The following SOS2 variants were observed in gnomAD, a reference collection of about 807,000 sequenced individuals.
SOS2 encodes son of sevenless homolog 2.
A neutral mutation model predicts 148.2 loss-of-function variants in SOS2; 65 were observed. That is an observed-to-expected ratio of 0.44 (90% CI 0.36 to 0.54). The LOEUF is 0.54. SOS2 is among the 20% of genes least tolerant of loss of function. The pLI is 0.00. For missense variants in SOS2, 1,341 were observed against 1,590.2 expected (o/e 0.84, Z 2.67); for synonymous variants, 539 against 537.1 (o/e 1.00, Z -0.05).
chr14:50,117,947 T>G lies in SOS2; in HGVS notation c.*397A>C, dbSNP rs138723632. 4 of 167,850 alleles carry G rather than the reference T, an allele frequency of 2.4e-5. No individual in the cohort carries two copies. The highest frequency in any genetic ancestry group is 9.6e-5 in the African/African-American group (4 of 41,810). 10.4% of individuals were successfully genotyped at this position (167,850 alleles called of 1,614,324 possible). A position where few individuals can be genotyped will look rare whatever the true frequency, so the allele number is the denominator to read the frequency against. ...AGAGGTTTAAAAATCAGTAACACCATATACCCCTCCCATATTTGTGTAAAT... is the reference window on the plus strand; with the variant it reads ...AGAGGTTTAAAAATCAGTAACACCAGATACCCCTCCCATATTTGTGTAAAT... On this transcript the variant is annotated 3_prime_UTR_variant, in exon 23 of 23. Transcript: ENST00000216373.
At chr14:50,159,094 G>C (rs1884913902) in intron 10 of SOS2, among the ~76,000 whole-genome samples, 1 of 152,014 alleles carries the variant, frequency 6.6e-6, no homozygotes, top group Non-Finnish European at 1.5e-5. Context: ...GGAGGCTGAG[G>C]CAGGAGAATG....
At chr14:50,189,061 TCACACACACACACACA>T (rs10599812) in intron 4 of SOS2, among the ~76,000 whole-genome samples, 11 of 128,686 alleles carry the variant, frequency 8.5e-5, no homozygotes, top group Admixed American at 1.7e-4. Flanking sequence ...CGAGACTCCA[TCACACACACACACACA>T]CACACACACA....
rs1174771815 is a variant in SOS2 at position 50,118,190 on chromosome 14, A to G, written c.*154T>C. ...AATGGTGAAGGACTTTTGTATTTTT[A>G]TTTTTCCAATTCTTAAAAGCTTATT... On this transcript the variant is annotated 3_prime_UTR_variant, in exon 23 of 23. Coordinates refer to ENST00000216373, the MANE Select transcript of SOS2 (RefSeq NM_006939.4). 9 of 675,302 alleles carry G rather than the reference A, an allele frequency of 1.3e-5. No individual in the cohort carries two copies. The highest frequency in any genetic ancestry group is 1.5e-5 in the Non-Finnish European group (6 of 410,104). The allele number at this position is 675,302 out of a possible 1,614,324, so 41.8% of individuals were successfully genotyped here. A position where few individuals can be genotyped will look rare whatever the true frequency, so the allele number is the denominator to read the frequency against.
intron 1 of SOS2, among the ~76,000 whole-genome samples, chr14:50,207,402 T>A (rs2139806542): frequency 6.6e-6 from 1 of 152,042 alleles, no homozygotes; most frequent in East Asian, 1.9e-4. Flanking sequence ...TCCCAGCTAC[T>A]CAGAAGGCTA....
At chr14:50,223,923 A>G (rs2139864369) in intron 1 of SOS2, among the ~76,000 whole-genome samples, 1 of 152,274 alleles carries the variant, frequency 6.6e-6, no homozygotes, top group Middle Eastern at 3.4e-3. Flanking sequence ...TAATTATCAG[A>G]TTTAGATTAT....
intron 12 of SOS2, among the ~76,000 whole-genome samples, chr14:50,154,865 G>A (rs1252624769): frequency 6.6e-6 from 1 of 152,180 alleles, no homozygotes; most frequent in African/African-American, 2.4e-5. Flanking sequence ...AAGGCGTTTG[G>A]ATTATGGAGA....
At position 50,189,331 on chromosome 14, in the gene SOS2, C is replaced by CAAAAAA. The variant is rs761860061; in HGVS notation, c.511-637_511-632dup. ...ACACACACACACACACACATAATAG[C>CAAAAAA]AAAAAAAAAAAAAAAAAGCAAGCCT... On this transcript the variant is annotated intron_variant, in intron 4 of 22. Coordinates refer to ENST00000216373, the MANE Select transcript of SOS2 (RefSeq NM_006939.4). 4.5e-3 allele frequency among the ~76,000 whole-genome samples: 143 copies of CAAAAAA among 31,466 alleles called. 19 individuals are homozygous for CAAAAAA. The highest frequency in any genetic ancestry group is 0.015 in the East Asian group (13 of 870). The allele number at this position is 31,466 out of a possible 152,430, so 20.6% of individuals were successfully genotyped here.
chr14:50,214,739 C>A (rs1467363648), intron 1 of SOS2, among the ~76,000 whole-genome samples: 1 of 148,650 alleles, frequency 6.7e-6, no homozygotes, highest in Non-Finnish European at 1.5e-5. Flanking sequence ...AAAGATGAGG[C>A]CTACCTAAAT....
chr14:50,161,386 T>C, intron 9 of SOS2, 96 bp downstream of exon 9: 2 of 912,462 alleles, frequency 2.2e-6, no homozygotes, highest in Non-Finnish European at 1.7e-6. Context: ...CTTTCAATAA[T>C]GTAACTATCA....
chr14:50,149,657 A>C (rs991850449), intron 14 of SOS2, among the ~76,000 whole-genome samples: 1 of 152,216 alleles, frequency 6.6e-6, no homozygotes, highest in African/African-American at 2.4e-5. Flanking sequence ...CCCATCTCAC[A>C]CAATATTCTA....
intron 21 of SOS2, among the ~76,000 whole-genome samples, chr14:50,122,932 T>C (rs1413702824): frequency 2.6e-5 from 4 of 152,252 alleles, no homozygotes; most frequent in African/African-American, 7.2e-5. Flanking sequence ...TGTCAGGCAC[T>C]GTCTGAAGCA....
intron 8 of SOS2, 54 bp downstream of exon 8, chr14:50,174,400 A>G (rs889806371): frequency 3.3e-6 from 3 of 916,768 alleles, no homozygotes; most frequent in African/African-American, 3.4e-5. Context: ...TTAATTTTAA[A>G]AAGTAAACTC....
intron 1 of SOS2, among the ~76,000 whole-genome samples, chr14:50,214,496 G>A (rs1010429612): frequency 2.6e-5 from 4 of 151,908 alleles, no homozygotes; most frequent in Non-Finnish European, 4.4e-5. Flanking sequence ...TAGATCAATC[G>A]ACTTTTAAAA....
At chr14:50,147,303 A>T (rs879914994) in intron 14 of SOS2, among the ~76,000 whole-genome samples, 2 of 152,018 alleles carry the variant, frequency 1.3e-5, no homozygotes, top group Non-Finnish European at 2.9e-5. Flanking sequence ...TGAGGCCAAG[A>T]TCAAGACCAT....
At chr14:50,202,701 C>T (rs1254732320) in intron 2 of SOS2, among the ~76,000 whole-genome samples, 1 of 151,956 alleles carries the variant, frequency 6.6e-6, no homozygotes, top group East Asian at 1.9e-4. Flanking sequence ...TGTCACTACA[C>T]CCTAGTCTGG....
chr14:50,126,238 C>T (rs1406414307), intron 21 of SOS2, among the ~76,000 whole-genome samples: 3 of 152,032 alleles, frequency 2.0e-5, no homozygotes, highest in African/African-American at 7.2e-5. Context: ...TTCAAAAATA[C>T]TGTAATTATT....
At chr14:50,180,137 G>A (rs901240913) in intron 7 of SOS2, among the ~76,000 whole-genome samples, 1 of 151,386 alleles carries the variant, frequency 6.6e-6, no homozygotes, top group African/African-American at 2.4e-5. Flanking sequence ...CTGAGTAGCT[G>A]GGATTACAGG....
intron 21 of SOS2, among the ~76,000 whole-genome samples, chr14:50,128,971 G>A (rs1883777490): frequency 6.6e-6 from 1 of 152,046 alleles, no homozygotes; most frequent in South Asian, 2.1e-4. Flanking sequence ...AAAAGACTAA[G>A]CTTATTTTTC....
rs1490074615 is a variant in SOS2, at chr14:50,140,179, A to AG, written c.2668-121_2668-120insC. The AG allele has an allele frequency of 8.8e-6, 5 of 570,604 alleles. No homozygotes were observed. In the African/African-American group the frequency reaches 9.4e-5, roughly 11 times the overall value. 35.3% of individuals were successfully genotyped at this position (570,604 alleles called of 1,614,324 possible). On this transcript the variant is annotated intron_variant, in intron 16 of 22. Coordinates refer to ENST00000216373, the MANE Select transcript of SOS2 (RefSeq NM_006939.4). The stretch of plus-strand genomic sequence containing the variant: ...CTGGAAAACAATTTTTTTACATTAA[A>AG]AGATGAGTGGTATTCCTTTGTACAC...
Sources: gnomAD v4.1 joint callset for allele counts (sites outside exome capture counted in the v4.1 genomes callset) on GRCh38, gnomAD v4.1.1 for gene constraint, MANE v1.5 for transcripts, NCBI Gene and HGNC (gene_info 2026-07-23, HGNC 2026-07-21) for gene names.